The following AP2B1 variants were observed in gnomAD, a reference collection of about 807,000 sequenced individuals.
AP2B1 encodes the protein adaptor related protein complex 2 subunit beta 1.
Under a neutral mutation model 102.0 loss-of-function variants are expected in AP2B1, and 23 were observed. The observed-to-expected ratio is 0.23, with a 90% CI of 0.16 to 0.32. AP2B1 has a LOEUF of 0.32. AP2B1 is among the 10% of genes least tolerant of loss of function. The pLI is 1.00. For synonymous variants in AP2B1, 381 were observed against 421.2 expected (o/e 0.90, Z 1.17); for missense variants, 541 against 1,157.4 (o/e 0.47, Z 7.73).
chr17:35,639,849 G>C, intron 11 of AP2B1, 89 bp downstream of exon 11: 2 of 1,172,318 alleles, frequency 1.7e-6, no homozygotes, highest in Admixed American at 2.3e-5. Context: ...AGTTTCTTCT[G>C]TGTCTGTATT....
intron 3 of AP2B1, among the ~76,000 whole-genome samples, chr17:35,599,059 A>C (rs370878464): frequency 1.7e-4 from 26 of 152,252 alleles, no homozygotes; most frequent in African/African-American, 6.3e-4. Flanking sequence ...TGTGCTAAAA[A>C]AGAGCAGTTT....
intron 19 of AP2B1, 143 bp downstream of exon 19, chr17:35,709,451 T>C: frequency 1.5e-6 from 1 of 656,394 alleles, no homozygotes; most frequent in Non-Finnish European, 2.7e-6. Context: ...TAATAATTGC[T>C]CATTATTTAT....
At position 35,612,880 on chromosome 17, in the gene AP2B1, G is replaced by GCA. The variant is rs55739970; in HGVS notation, c.525+4520_525+4521dup. Among the ~76,000 whole-genome samples, 546 of 143,944 alleles carry GCA rather than the reference G, an allele frequency of 3.8e-3. 1 individual carries two copies. The highest frequency in any genetic ancestry group is 9.9e-3 in the African/African-American group (380 of 38,232). The allele number at this position is 143,944 out of a possible 152,430, so 94.4% of individuals were successfully genotyped here. A position where few individuals can be genotyped will look rare whatever the true frequency, so the allele number is the denominator to read the frequency against. On this transcript the variant is annotated intron_variant, in intron 5 of 21. Transcript: ENST00000610402. ...TGAGGTCATTTAAATGTGTATGTGCGCACACACACACACACACACACACAC... is the reference window on the plus strand; with the variant it reads ...TGAGGTCATTTAAATGTGTATGTGCGCACACACACACACACACACACACACAC...
At chr17:35,601,512 G>A (rs576597682) in intron 3 of AP2B1, among the ~76,000 whole-genome samples, 91 of 152,218 alleles carry the variant, frequency 6.0e-4, no homozygotes, top group Non-Finnish European at 1.2e-3. Flanking sequence ...CAAGTGATCC[G>A]CCTGCCTTGG....
At chr17:35,592,689 C>T (rs559723288) in intron 1 of AP2B1, among the ~76,000 whole-genome samples, 30 of 152,222 alleles carry the variant, frequency 2.0e-4, no homozygotes, top group African/African-American at 7.2e-4. Context: ...ATTAAAGGCA[C>T]GTGCCACCAT....
chr17:35,720,384 GAAGA>G, intron 21 of AP2B1, among the ~76,000 whole-genome samples: 1 of 151,074 alleles, frequency 6.6e-6, no homozygotes. Flanking sequence ...GGGTTGCAGG[GAAGA>G]AAAAGATATC....
chr17:35,627,344 T>C (rs2142576036), intron 7 of AP2B1, 41 bp from the exon 8 acceptor site: 2 of 1,564,598 alleles, frequency 1.3e-6, no homozygotes, highest in East Asian at 4.8e-5. Context: ...TATATCAGTA[T>C]ATGCCTTCAC....
intron 21 of AP2B1, among the ~76,000 whole-genome samples, chr17:35,719,747 A>G (rs1477434608): frequency 6.6e-6 from 1 of 152,234 alleles, no homozygotes; most frequent in Non-Finnish European, 1.5e-5. Flanking sequence ...TGTAATGCCA[A>G]CACTTTGGAA....
intron 18 of AP2B1, among the ~76,000 whole-genome samples, chr17:35,685,000 A>G (rs1052404561): frequency 5.9e-5 from 9 of 152,240 alleles, no homozygotes; most frequent in African/African-American, 2.2e-4. Context: ...GAGAAGTTGA[A>G]TCTTAGTCCA....
At chr17:35,714,985 C>G (rs1555589190) in intron 20 of AP2B1, among the ~76,000 whole-genome samples, 1 of 152,216 alleles carries the variant, frequency 6.6e-6, no homozygotes, top group African/African-American at 2.4e-5. Context: ...CTATCCCAGT[C>G]AGACCAGGAA....
At chr17:35,616,142 CTTTTTTTTTTTTTTTTTTTTTTTT>C (rs71152739) in intron 5 of AP2B1, among the ~76,000 whole-genome samples, 18 of 57,436 alleles carry the variant, frequency 3.1e-4, no homozygotes, top group South Asian at 1.6e-3. Context: ...AAAAATATCT[CTTTTTTTTTTTTTTTTTTTTTTTT>C]TTTTTTTTTT....
intron 17 of AP2B1, among the ~76,000 whole-genome samples, chr17:35,678,241 T>G (rs2075743664): frequency 6.6e-6 from 1 of 152,210 alleles, no homozygotes; most frequent in Non-Finnish European, 1.5e-5. Flanking sequence ...TGAACTTGTT[T>G]CCTTCAACTT....
intron 18 of AP2B1, among the ~76,000 whole-genome samples, chr17:35,683,334 C>T (rs2075863589): frequency 1.3e-5 from 2 of 152,298 alleles, no homozygotes; most frequent in African/African-American, 4.8e-5. Context: ...CATTCTTTTA[C>T]TCAACAAACA....
chr17:35,625,455 A>C (rs1282774827), intron 6 of AP2B1, among the ~76,000 whole-genome samples: 1 of 152,138 alleles, frequency 6.6e-6, no homozygotes, highest in Admixed American at 6.6e-5. Context: ...AAATAACTTT[A>C]CTGAGAATTT....
intron 18 of AP2B1, among the ~76,000 whole-genome samples, chr17:35,707,475 CAG>C (rs2076367511): frequency 9.5e-6 from 1 of 104,770 alleles, no homozygotes; most frequent in Admixed American, 1.2e-4. Context: ...TTTTTTTTGA[CAG>C]AGTCTTGCTT....
intron 5 of AP2B1, among the ~76,000 whole-genome samples, chr17:35,618,565 T>C (rs1414983039): frequency 6.6e-6 from 1 of 152,164 alleles, no homozygotes; most frequent in East Asian, 1.9e-4. Flanking sequence ...GGTAAGTTTC[T>C]AAGGTTCCAA....
At chr17:35,618,042 G>C (rs1172010298) in intron 5 of AP2B1, among the ~76,000 whole-genome samples, 3 of 152,136 alleles carry the variant, frequency 2.0e-5, no homozygotes, top group Non-Finnish European at 2.9e-5. Flanking sequence ...TCACTAGGTA[G>C]TTTTACCTCT....
At position 35,598,303 on chromosome 17, in the gene AP2B1, G is replaced by T; in HGVS notation, c.111G>T (p.Val37=). 1 of 1,613,638 alleles carries T rather than the reference G, an allele frequency of 6.2e-7. No homozygotes were observed. Among genetic ancestry groups the T allele is most frequent in the Non-Finnish European group, 8.5e-7 (1 of 1,179,676 alleles). The stretch of plus-strand genomic sequence containing the variant: ...AGAGAAAGGAGGCTGTGAAGAAAGT[G>T]ATTGCTGCTATGACCGTGGGGAAGG... ...KEKRKEAVKK[V]IAAMTVGKDV... The change falls in exon 3 of 22, where the codon GTG becomes GTT. Residue 37 remains valine, a synonymous_variant. Transcript: ENST00000610402.
Position 35,724,451 on chromosome 17 carries a change from G to C in AP2B1, c.*752G>C, listed in dbSNP as rs1428703774. 1.3e-5 allele frequency: 2 copies of C among 152,214 alleles called. No homozygotes were observed. The highest frequency in any genetic ancestry group is 4.8e-5 in the African/African-American group (2 of 41,446). 9.4% of individuals were successfully genotyped at this position (152,214 alleles called of 1,614,324 possible). On this transcript the variant is annotated 3_prime_UTR_variant, in exon 22 of 22. Coordinates refer to ENST00000610402, the MANE Select transcript of AP2B1 (RefSeq NM_001030006.2). ...GAGCCTGTCAGCACCAAAGCTGACA[G>C]AAGTTATACCTTACTCCTTTCCTTT...
Sources: gnomAD v4.1 joint callset for allele counts (sites outside exome capture counted in the v4.1 genomes callset) on GRCh38, gnomAD v4.1.1 for gene constraint, MANE v1.5 for transcripts, NCBI Gene and HGNC (gene_info 2026-07-23, HGNC 2026-07-21) for gene names.